Variants in VPS41 observed in about 807,000 individuals in gnomAD.
The protein encoded by VPS41 is VPS41 subunit of HOPS complex, also known as vacuolar protein sorting-associated protein 41 homolog.
VPS41 carries 85 observed loss-of-function variants against 130.9 expected under a neutral mutation model. That is an observed-to-expected ratio of 0.65 (90% confidence interval 0.55 to 0.78). The LOEUF (loss-of-function observed/expected upper bound fraction) is 0.78. VPS41 is among the 30% of genes least tolerant of loss of function. The pLI is 0.00. For synonymous variants in VPS41, 335 were observed against 332.9 expected, an observed-to-expected ratio of 1.01 and a Z score of -0.07; for missense variants, 874 against 1,018.7, an observed-to-expected ratio of 0.86 and a Z score of 1.93.
Position 38,728,718 on chromosome 7 carries a change from G to A in VPS41, c.2333C>T (p.Thr778Ile). Residue 778 changes from threonine (T) to isoleucine (I), a missense_variant, in exon 26 of 29, where the codon ACT (threonine) becomes ATT (isoleucine). Transcript: ENST00000310301. ...SLSLLKKMHR[T>I]QMKGVLVDEE... ...ATCAACAAGAACACCTTTCATTTGAGTTCGGTGCATTTTCTTCAGTAAGGA... is the reference window on the plus strand; with the variant it reads ...ATCAACAAGAACACCTTTCATTTGAATTCGGTGCATTTTCTTCAGTAAGGA... 1 of 1,614,148 alleles carries A rather than the reference G, an allele frequency of 6.2e-7. No individual in the cohort carries two copies. Among genetic ancestry groups the A allele is most frequent in the Non-Finnish European group, 8.5e-7 (1 of 1,180,028 alleles).
chr7:38,752,200 G>A lies in VPS41; in HGVS notation c.1902C>T (p.Asp634=). The A allele has an allele frequency of 6.2e-7, 1 of 1,613,924 alleles. No homozygotes were observed. The highest frequency in any genetic ancestry group is 1.1e-5 in the South Asian group (1 of 91,074). ...DRPNLLPFLR[D]STHCPLEKAL... The stretch of plus-strand genomic sequence containing the variant: ...CCTTTTCAAGTGGGCAATGGGTACT[G>A]TCTCGGAGAAAGGGAAGTAAGTTTG... The change falls in exon 22 of 29, where the codon GAC becomes GAT. Residue 634 remains aspartate (D), a synonymous_variant. Coordinates refer to ENST00000310301, the MANE Select transcript of VPS41 (RefSeq NM_014396.4).
intron 7 of VPS41, among the ~76,000 whole-genome samples, chr7:38,816,386 C>T (rs939541130): frequency 2.6e-5 from 4 of 152,098 alleles, no homozygotes; most frequent in African/African-American, 4.8e-5. Flanking sequence ...AAGGTTTTCC[C>T]GCCCTATCAT....
chr7:38,819,918 A>G (rs1034715968), intron 6 of VPS41, among the ~76,000 whole-genome samples: 22 of 152,134 alleles, frequency 1.4e-4, no homozygotes, highest in African/African-American at 4.6e-4. Context: ...TTAAGGGCCA[A>G]TCTCCATCCT....
rs368981917 is a variant in VPS41, at chr7:38,821,555, G to T, written c.322-290C>A. The stretch of plus-strand genomic sequence containing the variant: ...GAAACCCCATCTCTACTAAAAATAT[G>T]AAAATTAGCCAGGCATGGTGGCGTG... On this transcript the variant is annotated intron_variant, in intron 5 of 28. Transcript: ENST00000310301. Among the ~76,000 whole-genome samples the T allele has an allele frequency of 1.5e-4, 23 of 151,780 alleles. No individual in the cohort carries two copies. The East Asian group carries it at 3.7e-3, about 24-fold the overall frequency.
At chr7:38,908,358 T>G (rs2116472984) in intron 1 of VPS41, among the ~76,000 whole-genome samples, 1 of 152,354 alleles carries the variant, frequency 6.6e-6, no homozygotes, top group Non-Finnish European at 1.5e-5. Context: ...AAATGTGTGA[T>G]TACCACTACT....
At chr7:38,798,674 C>T (rs139197000) in intron 7 of VPS41, among the ~76,000 whole-genome samples, 4 of 152,080 alleles carry the variant, frequency 2.6e-5, no homozygotes, top group African/African-American at 7.2e-5. Context: ...GGTGATCGTC[C>T]GAAATGGGTG....
At chr7:38,821,296 C>T in intron 5 of VPS41, 31 bp from the exon 6 acceptor site, 1 of 1,530,618 alleles carries the variant, frequency 6.5e-7, no homozygotes, top group African/African-American at 1.4e-5. Context: ...ATCAGCTCAC[C>T]ATGACAGCAA....
At chr7:38,852,581 T>A (rs138977814) in intron 4 of VPS41, among the ~76,000 whole-genome samples, 1 of 152,250 alleles carries the variant, frequency 6.6e-6, no homozygotes, top group Admixed American at 6.5e-5. Context: ...TATCCTAATA[T>A]ATCATGATCC....
intron 2 of VPS41, 113 bp downstream of exon 2, chr7:38,897,978 C>T (rs977765033): frequency 6.9e-6 from 6 of 870,264 alleles, no homozygotes; most frequent in Non-Finnish European, 7.4e-6. Context: ...AGTTACCTAT[C>T]GCCCTGCTTT....
intron 2 of VPS41, among the ~76,000 whole-genome samples, chr7:38,882,628 A>G (rs1277922508): frequency 2.0e-5 from 3 of 151,946 alleles, no homozygotes; most frequent in Non-Finnish European, 2.9e-5. Flanking sequence ...CACCACCACT[A>G]TTTTCACCCT....
intron 25 of VPS41, among the ~76,000 whole-genome samples, chr7:38,739,408 A>C (rs1795839563): frequency 6.6e-6 from 1 of 152,238 alleles, no homozygotes; most frequent in African/African-American, 2.4e-5. Flanking sequence ...AAAAAAGAAT[A>C]AAATAAAAAC....
At chr7:38,907,443 T>C (rs936910276) in intron 1 of VPS41, among the ~76,000 whole-genome samples, 2 of 152,254 alleles carry the variant, frequency 1.3e-5, no homozygotes, top group African/African-American at 4.8e-5. Context: ...GTAATGGCTG[T>C]GGCTTTTCCT....
At chr7:38,751,538 C>T (rs577403700) in intron 22 of VPS41, among the ~76,000 whole-genome samples, 1 of 152,300 alleles carries the variant, frequency 6.6e-6, no homozygotes, top group African/African-American at 2.4e-5. Context: ...TTTATTCATT[C>T]ATTCTCTCAC....
intron 3 of VPS41, among the ~76,000 whole-genome samples, chr7:38,863,333 C>T (rs1786160535): frequency 6.6e-6 from 1 of 152,156 alleles, no homozygotes; most frequent in African/African-American, 2.4e-5. Flanking sequence ...TGAAATATGA[C>T]ATGAGAGTTT....
rs1795524208 is a variant in VPS41 at position 38,725,695 on chromosome 7, C to T, written c.*551G>A. ...AGGACATCAGCCTGCTAATGTTATTCCCAGGTGTCATCAAATGAGTGACAA... is the reference window on the plus strand; with the variant it reads ...AGGACATCAGCCTGCTAATGTTATTTCCAGGTGTCATCAAATGAGTGACAA... On this transcript the variant is annotated 3_prime_UTR_variant, in exon 29 of 29. Coordinates refer to ENST00000310301, the MANE Select transcript of VPS41 (RefSeq NM_014396.4). The T allele has an allele frequency of 6.5e-6, 1 of 153,482 alleles. No individual in the cohort carries two copies. Among genetic ancestry groups the T allele is most frequent in the African/African-American group, 2.4e-5 (1 of 41,434 alleles). 9.5% of individuals were successfully genotyped at this position (153,482 alleles called of 1,614,324 possible). A position where few individuals can be genotyped will look rare whatever the true frequency, so the allele number is the denominator to read the frequency against.
chr7:38,876,910 G>A (rs1279149058), intron 2 of VPS41, among the ~76,000 whole-genome samples: 1 of 150,482 alleles, frequency 6.6e-6, no homozygotes, highest in East Asian at 2.0e-4. Context: ...TTGGGAAAGC[G>A]ATAAGAATAT....
rs1783759141 is a variant in VPS41 at position 38,754,939 on chromosome 7, G to A, written c.1696-3C>T. 6.2e-7 allele frequency: 1 copy of A among 1,613,226 alleles called. No individual in the cohort carries two copies. The highest frequency in any genetic ancestry group is 8.5e-7 in the Non-Finnish European group (1 of 1,179,598). ...TCCAAAAGCATGTCAACAGCTTTCTGAAACATATAAGAAAAGCCACAGTCA... is the reference window on the plus strand; with the variant it reads ...TCCAAAAGCATGTCAACAGCTTTCTAAAACATATAAGAAAAGCCACAGTCA... On this transcript the variant is annotated splice_polypyrimidine_tract_variant and splice_region_variant and intron_variant, in intron 19 of 28. Coordinates refer to ENST00000310301, the MANE Select transcript of VPS41 (RefSeq NM_014396.4).
At chr7:38,733,181 G>A (rs188449423) in intron 25 of VPS41, among the ~76,000 whole-genome samples, 12 of 152,266 alleles carry the variant, frequency 7.9e-5, no homozygotes, top group African/African-American at 2.6e-4. Flanking sequence ...TGGAATAAGT[G>A]CCTTTATTGT....
At chr7:38,751,357 G>T (rs1448710025) in intron 22 of VPS41, among the ~76,000 whole-genome samples, 1 of 152,204 alleles carries the variant, frequency 6.6e-6, no homozygotes, top group Non-Finnish European at 1.5e-5. Context: ...GACATTTGTA[G>T]ATGTTAGTGG....
Sources: allele counts gnomAD v4.1 joint callset (sites outside exome capture counted in the v4.1 genomes callset), GRCh38; gene constraint gnomAD v4.1.1; transcripts MANE v1.5; gene names NCBI Gene and HGNC (gene_info 2026-07-23, HGNC 2026-07-21).